Variants in ZFPM2 observed in about 807,000 individuals in gnomAD.
ZFPM2 encodes the protein zinc finger protein ZFPM2.
In ZFPM2, 20 loss-of-function variants were observed where a neutral mutation model predicts 98.6. The observed-to-expected ratio is 0.20, with a 90% confidence interval of 0.14 to 0.29. The LOEUF is 0.29. Among genes scored for constraint, ZFPM2 ranks in the 10% least tolerant of loss-of-function variants. The probability of loss-of-function intolerance (pLI) is 1.00; values close to 1 mark genes in which losing one functional copy is unlikely to be tolerated. For missense variants in ZFPM2, 1,310 were observed against 1,388.6 expected (o/e 0.94, Z 0.90); for synonymous variants, 518 against 502.7 (o/e 1.03, Z -0.41).
At chr8:105,617,982 T>C (rs1174957487) in intron 4 of ZFPM2, among the ~76,000 whole-genome samples, 1 of 152,190 alleles carries the variant, frequency 6.6e-6, no homozygotes, top group Non-Finnish European at 1.5e-5. Context: ...TGATATTTAG[T>C]ATCTCAACTA....
chr8:105,531,329 T>G (rs1360163547), intron 3 of ZFPM2, among the ~76,000 whole-genome samples: 2 of 152,150 alleles, frequency 1.3e-5, no homozygotes, highest in Admixed American at 1.3e-4. Flanking sequence ...CTGAACTCTT[T>G]AGGGGAATCC....
intron 5 of ZFPM2, among the ~76,000 whole-genome samples, chr8:105,666,740 C>T (rs1452554863): frequency 1.3e-5 from 2 of 151,722 alleles, no homozygotes; most frequent in African/African-American, 2.4e-5. Flanking sequence ...ACTGCTGAAA[C>T]GTTAACATGA....
intron 3 of ZFPM2, among the ~76,000 whole-genome samples, chr8:105,452,366 C>T (rs1454720484): frequency 6.6e-6 from 1 of 152,130 alleles, no homozygotes; most frequent in African/African-American, 2.4e-5. Context: ...TGCATCTCAA[C>T]AGGGCACTTT....
rs1468405353 is a variant in ZFPM2, at chr8:105,443,471, CATTAT to C, written c.200-804_200-800del. 1.9e-4 allele frequency among the ~76,000 whole-genome samples: 29 copies of C among 151,982 alleles called. 1 individual carries two copies. The highest frequency in any genetic ancestry group is 6.8e-4 in the African/African-American group (28 of 41,406). On this transcript the variant is annotated intron_variant, in intron 2 of 7. Transcript: ENST00000407775. ...CAAAATATTAGTATTTTAAAGTATG[CATTAT>C]ATTAAAGTGGACTACTTTTCTTAAA... is the stretch of plus-strand genomic sequence containing the variant.
At chr8:105,331,732 A>G (rs1266741348) in intron 1 of ZFPM2, among the ~76,000 whole-genome samples, 1 of 151,792 alleles carries the variant, frequency 6.6e-6, no homozygotes, top group African/African-American at 2.4e-5. Flanking sequence ...GAGCTTCTCA[A>G]TGGGCTTTAC....
chr8:105,712,243 A>G (rs1229829939), intron 5 of ZFPM2, among the ~76,000 whole-genome samples: 1 of 152,096 alleles, frequency 6.6e-6, no homozygotes, highest in African/African-American at 2.4e-5. Context: ...CATTGATTCT[A>G]CAAATATTTA....
At chr8:105,340,241 A>G (rs1162842182) in intron 1 of ZFPM2, among the ~76,000 whole-genome samples, 1 of 151,938 alleles carries the variant, frequency 6.6e-6, no homozygotes, top group Non-Finnish European at 1.5e-5. Context: ...ATGGGCCAGT[A>G]TAACTACATT....
intron 2 of ZFPM2, among the ~76,000 whole-genome samples, chr8:105,433,554 G>T (rs1261361029): frequency 6.6e-6 from 1 of 152,128 alleles, no homozygotes; most frequent in Non-Finnish European, 1.5e-5. Flanking sequence ...TTGGGAGGCC[G>T]AGGCGGTTGG....
In ZFPM2 at chr8:105,801,738, G is replaced by T; in HGVS notation, c.1656G>T (p.Glu552Asp). The change falls in exon 8 of 8, where the codon GAG becomes GAT. Residue 552 changes from glutamate (E) to aspartate (D), a missense_variant. By Grantham distance (45) the Glu-to-Asp change is conservative (BLOSUM62 2). Transcript: ENST00000407775. Reference protein sequence around the residue: ...PLMPKGATCFECNITFNNLDN... With the variant: ...PLMPKGATCFDCNITFNNLDN... ...TGCCCAAGGGGGCTACTTGTTTTGA[G>T]TGTAACATAACATTCAATAATTTGG... 1.2e-6 allele frequency: 2 copies of T among 1,613,876 alleles called. No individual in the cohort carries two copies. Among genetic ancestry groups the T allele is most frequent in the Non-Finnish European group, 1.7e-6 (2 of 1,179,866 alleles).
At chr8:105,642,860 G>A (rs540754552) in intron 5 of ZFPM2, among the ~76,000 whole-genome samples, 1 of 152,286 alleles carries the variant, frequency 6.6e-6, no homozygotes, top group East Asian at 1.9e-4. Flanking sequence ...TTTGAGTAAT[G>A]GGGTGAAGGC....
chr8:105,534,037 TCC>T, intron 3 of ZFPM2, among the ~76,000 whole-genome samples: 1 of 37,736 alleles, frequency 2.6e-5, no homozygotes, highest in Non-Finnish European at 5.0e-5. Context: ...CCTCCCTCCC[TCC>T]CTCCCTTCCT....
intron 4 of ZFPM2, among the ~76,000 whole-genome samples, chr8:105,617,682 A>G (rs1360674793): frequency 1.3e-5 from 2 of 152,150 alleles, no homozygotes; most frequent in South Asian, 2.1e-4. Context: ...CATGGTGTTG[A>G]GCACCAAGAT....
At chr8:105,629,097 C>T (rs1816711737) in intron 4 of ZFPM2, among the ~76,000 whole-genome samples, 1 of 152,184 alleles carries the variant, frequency 6.6e-6, no homozygotes, top group Non-Finnish European at 1.5e-5. Flanking sequence ...TGCACCTGCT[C>T]ACCTGTGCAC....
chr8:105,586,594 T>A (rs887042736), intron 4 of ZFPM2, among the ~76,000 whole-genome samples: 30 of 151,300 alleles, frequency 2.0e-4, no homozygotes, highest in Non-Finnish European at 2.5e-4. Flanking sequence ...AGCTAATTTT[T>A]GTATTTTTAG....
chr8:105,462,127 T>G (rs975565195), intron 3 of ZFPM2, among the ~76,000 whole-genome samples: 3 of 152,184 alleles, frequency 2.0e-5, no homozygotes, highest in African/African-American at 7.2e-5. Flanking sequence ...AATTGTTTCC[T>G]TTCCAATGCA....
rs191562322 is a variant in ZFPM2 at position 105,432,975 on chromosome 8, G to A, written c.200-11305G>A. 2.2e-3 allele frequency among the ~76,000 whole-genome samples: 337 copies of A among 152,088 alleles called. 8 individuals are homozygous for A. The highest frequency in any genetic ancestry group is 0.021 in the Admixed American group (324 of 15,276). ...TAATTAGGTGGGCATGGTGGCTTGG[G>A]CCTGTTATTCTAGCTACTTGAGGCT... On this transcript the variant is annotated intron_variant, in intron 2 of 7. Coordinates refer to ENST00000407775, the MANE Select transcript of ZFPM2 (RefSeq NM_012082.4).
chr8:105,336,889 A>T (rs1812337578), intron 1 of ZFPM2, among the ~76,000 whole-genome samples: 1 of 151,796 alleles, frequency 6.6e-6, no homozygotes, highest in South Asian at 2.1e-4. Context: ...ATTAAATAAC[A>T]CAGGGTGCTT....
chr8:105,665,824 G>T, intron 5 of ZFPM2, among the ~76,000 whole-genome samples: 1 of 151,992 alleles, frequency 6.6e-6, no homozygotes, highest in East Asian at 1.9e-4. Context: ...GATTATTTGG[G>T]GATTAAATAA....
At chr8:105,782,373 A>G (rs1452679330) in intron 5 of ZFPM2, 2 of 152,134 alleles carry the variant, frequency 1.3e-5, no homozygotes, top group Admixed American at 1.3e-4. Context: ...ACTAAACTAA[A>G]CTTTCTTACT....
Sources: gnomAD v4.1 joint callset for allele counts (sites outside exome capture counted in the v4.1 genomes callset) on GRCh38, gnomAD v4.1.1 for gene constraint, MANE v1.5 for transcripts, NCBI Gene and HGNC (gene_info 2026-07-23, HGNC 2026-07-21) for gene names.